The following DGKB variants were observed in gnomAD, a reference collection of about 807,000 sequenced individuals.
The protein encoded by DGKB is diacylglycerol kinase beta.
In DGKB, 67 loss-of-function variants were observed where a neutral mutation model predicts 114.3. That is an observed-to-expected ratio of 0.59 (90% confidence interval 0.48 to 0.72). The LOEUF is 0.72. DGKB is among the 30% of genes least tolerant of loss of function. DGKB has a pLI of 0.00. For synonymous variants in DGKB, 398 were observed against 323.1 expected, an observed-to-expected ratio of 1.23 and a Z score of -2.49; for missense variants, 907 against 975.2, an observed-to-expected ratio of 0.93 and a Z score of 0.93.
At chr7:14,489,738 G>A (rs570032778) in intron 20 of DGKB, among the ~76,000 whole-genome samples, 1 of 152,288 alleles carries the variant, frequency 6.6e-6, no homozygotes, top group South Asian at 2.1e-4. Context: ...GATGAGATGG[G>A]AGAGTAAGAG....
intron 1 of DGKB, among the ~76,000 whole-genome samples, chr7:14,944,785 CA>C (rs1310806821): frequency 6.8e-6 from 1 of 147,876 alleles, no homozygotes; most frequent in Non-Finnish European, 1.5e-5. Context: ...GATATGCTAT[CA>C]AAAATGTCAA....
chr7:14,195,718 T>C (rs1485493179), intron 23 of DGKB, among the ~76,000 whole-genome samples: 1 of 152,134 alleles, frequency 6.6e-6, no homozygotes, highest in Admixed American at 6.6e-5. Context: ...GTAGTACATT[T>C]GAACTCACTT....
rs1258409459 is a variant in DGKB at position 14,338,545 on chromosome 7, C to T, written c.2092G>A (p.Asp698Asn). The T allele has an allele frequency of 1.3e-6, 2 of 1,587,720 alleles. No individual in the cohort carries two copies. Among genetic ancestry groups the T allele is most frequent in the East Asian group, 2.3e-5 (1 of 43,954 alleles). The change falls in exon 23 of 26, where the codon GAT becomes AAT. Residue 698 changes from aspartate (D) to asparagine (N), a missense_variant. Coordinates refer to ENST00000402815, the MANE Select transcript of DGKB (RefSeq NM_001350709.2). ...KGSDKRTTVTDAKELKFASQD... is the reference protein window; with the variant it reads ...KGSDKRTTVTNAKELKFASQD... ...CTTGCAAACTTCAACTCTTTGGCAT[C>T]TGTGACGGTGGTCCTTTTGTCAGAC...
intron 6 of DGKB, among the ~76,000 whole-genome samples, chr7:14,713,469 A>G (rs544530759): frequency 1.3e-5 from 2 of 152,230 alleles, no homozygotes; most frequent in Non-Finnish European, 2.9e-5. Flanking sequence ...CATCCAGTTT[A>G]ATGGAGAGAG....
chr7:14,255,732 C>T (rs1277330138), intron 23 of DGKB, among the ~76,000 whole-genome samples: 2 of 142,324 alleles, frequency 1.4e-5, no homozygotes, highest in Non-Finnish European at 3.1e-5. Context: ...ACACTGTCTT[C>T]TCATCTCTTT....
intron 23 of DGKB, among the ~76,000 whole-genome samples, chr7:14,313,909 T>G (rs1347822528): frequency 2.6e-5 from 4 of 152,174 alleles, no homozygotes; most frequent in Admixed American, 1.3e-4. Flanking sequence ...AGAGCAGTGG[T>G]TCTCCCAGTG....
intron 2 of DGKB, among the ~76,000 whole-genome samples, chr7:14,762,693 C>A (rs953773947): frequency 2.0e-5 from 3 of 152,018 alleles, no homozygotes; most frequent in Admixed American, 6.6e-5. Context: ...AAAAACTCAA[C>A]ACATACTTGT....
chr7:14,756,368 C>T (rs1447738824), intron 3 of DGKB, among the ~76,000 whole-genome samples: 1 of 151,322 alleles, frequency 6.6e-6, no homozygotes, highest in Non-Finnish European at 1.5e-5. Flanking sequence ...TTTTTTTTTC[C>T]TCCTCCTCTA....
At chr7:14,681,431 G>T (rs146686165) in intron 12 of DGKB, among the ~76,000 whole-genome samples, 170 of 152,012 alleles carry the variant, frequency 1.1e-3, no homozygotes, top group African/African-American at 4.0e-3. Context: ...GCATGTGTGT[G>T]TGAGTGTGTG....
chr7:14,462,576 T>TC (rs1187594128), intron 21 of DGKB, among the ~76,000 whole-genome samples: 18 of 151,372 alleles, frequency 1.2e-4, no homozygotes, highest in Non-Finnish European at 2.2e-4. Context: ...GGAGAACTGC[T>TC]CAGGGAAATA....
Position 14,559,898 on chromosome 7 carries a change from CTCTTT to C in DGKB, c.1770+14309_1770+14313del, listed in dbSNP as rs1237485434. Among the ~76,000 whole-genome samples the C allele has an allele frequency of 5.9e-5, 9 of 151,380 alleles. No homozygotes were observed. In the East Asian group the frequency reaches 7.8e-4, roughly 13 times the overall value. On this transcript the variant is annotated intron_variant, in intron 20 of 25. Transcript: ENST00000402815. The stretch of plus-strand genomic sequence containing the variant: ...CTTTTTTTTACTTTTCTTTTCTCTT[CTCTTT>C]TCTTTTGTTTCTCCTTCCTTCCTTC...
chr7:14,782,209 A>G (rs1382754660), intron 2 of DGKB, among the ~76,000 whole-genome samples: 1 of 152,084 alleles, frequency 6.6e-6, no homozygotes, highest in Non-Finnish European at 1.5e-5. Context: ...TATTTTCAGT[A>G]CAGAATGGGT....
intron 21 of DGKB, among the ~76,000 whole-genome samples, chr7:14,375,175 TA>T (rs1156428608): frequency 6.6e-6 from 1 of 152,152 alleles, no homozygotes; most frequent in African/African-American, 2.4e-5. Context: ...CCCAGGCCAC[TA>T]CAACAGGATG....
At chr7:14,805,205 A>G (rs1400414514) in intron 2 of DGKB, among the ~76,000 whole-genome samples, 1 of 152,092 alleles carries the variant, frequency 6.6e-6, no homozygotes, top group Admixed American at 6.6e-5. Flanking sequence ...TAGCGCTATC[A>G]CTACACAACT....
At chr7:14,631,055 A>C (rs1003588974) in intron 13 of DGKB, among the ~76,000 whole-genome samples, 1 of 151,708 alleles carries the variant, frequency 6.6e-6, no homozygotes, top group Non-Finnish European at 1.5e-5. Context: ...GGAACGGGAG[A>C]AGAAAAGTTG....
chr7:14,415,470 T>A (rs1387005984), intron 21 of DGKB, among the ~76,000 whole-genome samples: 1 of 151,208 alleles, frequency 6.6e-6, no homozygotes, highest in Non-Finnish European at 1.5e-5. Context: ...CCTTCCTGTG[T>A]CCATGTGTTC....
At chr7:14,927,451 A>T (rs915379771) in intron 1 of DGKB, among the ~76,000 whole-genome samples, 19 of 151,942 alleles carry the variant, frequency 1.3e-4, no homozygotes, top group Non-Finnish European at 2.1e-4. Context: ...ATCCATCCTG[A>T]TCTATGAGGA....
At chr7:14,695,495 T>TCTCTCTCTCTCTC (rs1491095073) in intron 8 of DGKB, among the ~76,000 whole-genome samples, 143 of 59,572 alleles carry the variant, frequency 2.4e-3, no homozygotes, top group Middle Eastern at 0.012. Flanking sequence ...TCTCTCTCTC[T>TCTCTCTCTCTCTC]TTTTTTTTTT....
At chr7:14,344,049 G>C (rs1247991757) in intron 22 of DGKB, among the ~76,000 whole-genome samples, 4 of 147,788 alleles carry the variant, frequency 2.7e-5, no homozygotes, top group Non-Finnish European at 6.0e-5. Context: ...TTATTATATA[G>C]ATATACATGC....
Sources: allele counts gnomAD v4.1 joint callset (sites outside exome capture counted in the v4.1 genomes callset), GRCh38; gene constraint gnomAD v4.1.1; transcripts MANE v1.5; gene names NCBI Gene and HGNC (gene_info 2026-07-23, HGNC 2026-07-21).